Variants in ANKRD17 observed in about 807,000 individuals in gnomAD.
ANKRD17 encodes the protein ankyrin repeat domain 17, also known as ankyrin repeat domain-containing protein 17.
A neutral mutation model predicts 229.7 loss-of-function variants in ANKRD17; 19 were observed. The observed-to-expected ratio is 0.08, with a 90% confidence interval of 0.06 to 0.12. ANKRD17 has a LOEUF of 0.12. Among genes scored for constraint, ANKRD17 ranks in the 10% least tolerant of loss-of-function variants. The pLI is 1.00. For synonymous variants in ANKRD17, 1,112 were observed against 1,146.1 expected, an observed-to-expected ratio of 0.97 and a Z score of 0.60; for missense variants, 2,176 against 3,176.8, an observed-to-expected ratio of 0.68 and a Z score of 7.57.
rs548729180 is a variant in ANKRD17, at chr4:73,218,734, A to T, written c.393+39542T>A. 3.9e-5 allele frequency among the ~76,000 whole-genome samples: 6 copies of T among 151,992 alleles called. No homozygotes were observed. The East Asian group carries it at 1.2e-3, about 29-fold the overall frequency. On this transcript the variant is annotated intron_variant, in intron 1 of 33. Transcript: ENST00000358602. ...ACTTCCACCTCTGTGAGACAAAATT[A>T]GCTGGACTAACCTCATTGAATTTCA...
At chr4:73,194,965 A>G (rs899396436) in intron 1 of ANKRD17, among the ~76,000 whole-genome samples, 3 of 151,960 alleles carry the variant, frequency 2.0e-5, no homozygotes, top group African/African-American at 7.2e-5. Context: ...TTAAAATTTC[A>G]TTTTCCAAAT....
intron 1 of ANKRD17, among the ~76,000 whole-genome samples, chr4:73,179,518 A>ATATATTTTTTTT (rs1192164276): frequency 4.9e-5 from 2 of 40,784 alleles, no homozygotes; most frequent in African/African-American, 9.2e-5. Context: ...ATATATATAT[A>ATATATTTTTTTT]TTTTTTTTTT....
At chr4:73,181,591 C>T (rs1166431189) in intron 1 of ANKRD17, among the ~76,000 whole-genome samples, 1 of 152,028 alleles carries the variant, frequency 6.6e-6, no homozygotes, top group East Asian at 1.9e-4. Flanking sequence ...TCTGCCATAC[C>T]ACATCCCCAG....
In ANKRD17 at chr4:73,091,870, C is replaced by G; in HGVS notation, c.5758G>C (p.Ala1920Pro). The G allele has an allele frequency of 6.2e-7, 1 of 1,614,152 alleles. No homozygotes were observed. Among genetic ancestry groups the G allele is most frequent in the South Asian group, 1.1e-5 (1 of 91,086 alleles). The change falls in exon 29 of 34, where the codon GCT becomes CCT. Residue 1920 changes from alanine to proline, a missense_variant. Ala to Pro is a conservative substitution (Grantham distance 27). Coordinates refer to ENST00000358602, the MANE Select transcript of ANKRD17 (RefSeq NM_032217.5). The part of the protein sequence containing the change: ...MTHFGGTFPP[A>P]QSTWGPFPVR... ...GGAAACGGACCCCAAGTGGATTGAG[C>G]TGGTGGAAAAGTACCTCCAAAGTGG... is the stretch of plus-strand genomic sequence containing the variant.
At chr4:73,165,292 A>C (rs749134436) in intron 2 of ANKRD17, among the ~76,000 whole-genome samples, 1 of 152,226 alleles carries the variant, frequency 6.6e-6, no homozygotes, top group Non-Finnish European at 1.5e-5. Context: ...GTAATCAGAC[A>C]CAAGTTTTCA....
intron 2 of ANKRD17, among the ~76,000 whole-genome samples, chr4:73,171,378 T>C (rs1034226230): frequency 2.6e-5 from 4 of 152,208 alleles, no homozygotes; most frequent in Non-Finnish European, 5.9e-5. Flanking sequence ...TGCACCCCAA[T>C]GCAGACATGG....
intron 1 of ANKRD17, among the ~76,000 whole-genome samples, chr4:73,238,044 C>T (rs924929604): frequency 2.7e-5 from 4 of 150,100 alleles, no homozygotes; most frequent in African/African-American, 9.8e-5. Context: ...ATAAGATAAC[C>T]AAATTTAATA....
At chr4:73,220,231 T>C (rs1741667117) in intron 1 of ANKRD17, among the ~76,000 whole-genome samples, 1 of 152,146 alleles carries the variant, frequency 6.6e-6, no homozygotes, top group Non-Finnish European at 1.5e-5. Flanking sequence ...AAAAGAGGTA[T>C]TTATATGAGC....
chr4:73,258,437 G>A lies in ANKRD17; in HGVS notation c.232C>T (p.Arg78Trp), dbSNP rs372558601. The A allele has an allele frequency of 8.7e-6, 14 of 1,609,692 alleles. No homozygotes were observed. Among genetic ancestry groups the A allele is most frequent in the Non-Finnish European group, 1.0e-5 (12 of 1,179,010 alleles). ...QQQHHKAKRN[R>W]TCRPPSSSES... is the part of the protein sequence containing the mutation. ...CTGCTGCTGGGGGGTCGGCAAGTCC[G>A]GTTACGCTTGGCCTTGTGGTGCTGC... Residue 78 changes from arginine (R) to tryptophan (W), a missense_variant, in exon 1 of 34, where the codon CGG becomes TGG. Around this residue, in one of 18 missense-constraint regions of ANKRD17, gnomAD observed 196 missense variants for 190.0 expected, o/e 1.03. Transcript: ENST00000358602.
At chr4:73,150,928 CCTA>C (rs1730922956) in intron 7 of ANKRD17, among the ~76,000 whole-genome samples, 1 of 151,840 alleles carries the variant, frequency 6.6e-6, no homozygotes, top group South Asian at 2.1e-4. Context: ...TAAATTAGGC[CCTA>C]CTTTTAAATT....
chr4:73,156,519 T>C (rs1470225630), intron 3 of ANKRD17, among the ~76,000 whole-genome samples: 2 of 152,174 alleles, frequency 1.3e-5, no homozygotes, highest in Admixed American at 1.3e-4. Flanking sequence ...AGGGACCTGG[T>C]GGGAGATGAT....
At chr4:73,140,910 G>A in intron 14 of ANKRD17, among the ~76,000 whole-genome samples, 1 of 152,172 alleles carries the variant, frequency 6.6e-6, no homozygotes, top group East Asian at 1.9e-4. Flanking sequence ...AGTTTCCCTG[G>A]AAGAAAAGAT....
At chr4:73,128,290 C>T (rs959963711) in intron 16 of ANKRD17, among the ~76,000 whole-genome samples, 1 of 152,168 alleles carries the variant, frequency 6.6e-6, no homozygotes, top group Non-Finnish European at 1.5e-5. Flanking sequence ...CACAGAGGGG[C>T]CCTAAGGCAA....
At chr4:73,139,464 T>C (rs937779465) in intron 15 of ANKRD17, 67 bp downstream of exon 15, 18 of 1,520,708 alleles carry the variant, frequency 1.2e-5, no homozygotes, top group African/African-American at 7.0e-5. Flanking sequence ...GGCAAAAAAT[T>C]TGGGTACATT....
chr4:73,147,567 TCTCCTAA>T, intron 8 of ANKRD17, 135 bp from the exon 9 acceptor site: 1 of 702,314 alleles, frequency 1.4e-6, no homozygotes, highest in Non-Finnish European at 2.0e-6. Flanking sequence ...AAAGTGCCTC[TCTCCTAA>T]CTCCTAAGGC....
chr4:73,087,037 T>C, intron 29 of ANKRD17, among the ~76,000 whole-genome samples: 1 of 140,680 alleles, frequency 7.1e-6, no homozygotes, highest in African/African-American at 2.7e-5. Context: ...AATTCTACAA[T>C]GAAGAGATCT....
intron 8 of ANKRD17, 81 bp downstream of exon 8, chr4:73,148,732 A>G: frequency 7.8e-7 from 1 of 1,288,728 alleles, no homozygotes; most frequent in East Asian, 2.3e-5. Flanking sequence ...TAGAAAGGTG[A>G]AATACTAAAA....
In ANKRD17 at chr4:73,161,165, T is replaced by G. The variant is rs909263960; in HGVS notation, c.704+27A>C. On this transcript the variant is annotated intron_variant, in intron 3 of 33. Coordinates refer to ENST00000358602, the MANE Select transcript of ANKRD17 (RefSeq NM_032217.5). ...TATTATTTTTAAGAAAATGATTTCA[T>G]ACTGATGGCAGCAAAAATGTACTTA... 3.7e-6 allele frequency: 6 copies of G among 1,606,032 alleles called. No individual in the cohort carries two copies. The African/African-American group carries it at 8.1e-5, about 22-fold the overall frequency.
chr4:73,136,976 CAG>C (rs1329269144), intron 15 of ANKRD17, among the ~76,000 whole-genome samples: 1 of 118,018 alleles, frequency 8.5e-6, no homozygotes. Flanking sequence ...ACCAAAATTA[CAG>C]AGTTTTTTTT....
Sources: allele counts gnomAD v4.1 joint callset (sites outside exome capture counted in the v4.1 genomes callset), GRCh38; gene constraint gnomAD v4.1.1; regional missense constraint gnomAD v4.1.1; transcripts MANE v1.5; gene names NCBI Gene and HGNC (gene_info 2026-07-23, HGNC 2026-07-21).